Variants in TEX9 observed in about 807,000 individuals in gnomAD.
TEX9 encodes the protein testis expressed 9.
TEX9 carries 74 observed loss-of-function variants against 59.6 expected under a neutral mutation model. The observed-to-expected ratio is 1.24, with a 90% CI of 1.03 to 1.51. The LOEUF (loss-of-function observed/expected upper bound fraction) is 1.51. TEX9 is among the 40% of genes most tolerant of loss of function. TEX9 has a pLI of 0.00. For synonymous variants in TEX9, 186 were observed against 152.2 expected, an observed-to-expected ratio of 1.22 and a Z score of -1.64; for missense variants, 522 against 447.8, an observed-to-expected ratio of 1.17 and a Z score of -1.49.
At chr15:56,429,066 G>A (rs795787) in intron 12 of TEX9, 1,387,925 of 1,388,564 alleles carry the variant, frequency 1, 693,644 homozygotes, top group East Asian at 1. Context: ...GTGGTAACAT[G>A]CAAAAAATCT....
In TEX9 at chr15:56,394,204, T is replaced by A. The variant is rs371032774; in HGVS notation, c.611T>A (p.Met204Lys). The change falls in exon 8 of 13, where the codon ATG (methionine) becomes AAG (lysine). Residue 204 changes from methionine to lysine, a missense_variant. Coordinates refer to ENST00000352903, the Ensembl canonical transcript of TEX9. Reference sequence around the variant, plus strand: ...TTTCTAAAGGCCAAACTCCATGTTATGCAGGAGGAATTGGATAATGTTGTA... The same window carrying A: ...TTTCTAAAGGCCAAACTCCATGTTAAGCAGGAGGAATTGGATAATGTTGTA... 3 of 1,609,274 alleles carry A rather than the reference T, an allele frequency of 1.9e-6. No homozygotes were observed. In the African/African-American group the frequency reaches 4.0e-5, roughly 22 times the overall value.
At chr15:56,272,083 G>C (rs530005908) in intron 1 of TEX9, among the ~76,000 whole-genome samples, 1 of 151,924 alleles carries the variant, frequency 6.6e-6, no homozygotes, top group African/African-American at 2.4e-5. Flanking sequence ...GGCAGAGCTT[G>C]CAGTGAGCTG....
chr15:56,363,268 C>CT (rs749991135), upstream of TEX9, among the ~76,000 whole-genome samples: 12,579 of 142,738 alleles, frequency 0.088, 678 homozygotes, highest in African/African-American at 0.16. Flanking sequence ...ATTGTCCATC[C>CT]TTTTTTTTTT....
chr15:56,385,387 C>T (rs1323179036), intron 4 of TEX9, among the ~76,000 whole-genome samples: 2 of 152,186 alleles, frequency 1.3e-5, no homozygotes, highest in Non-Finnish European at 2.9e-5. Flanking sequence ...ATGTGGACTT[C>T]ATGACTACTG....
intron 1 of TEX9, among the ~76,000 whole-genome samples, chr15:56,260,683 A>G (rs2044245453): frequency 6.6e-6 from 1 of 151,950 alleles, no homozygotes. Context: ...TATGTTCGTA[A>G]GAATTATTAG....
At chr15:56,409,872 T>C (rs1249521524) in intron 9 of TEX9, 1 of 152,244 alleles carries the variant, frequency 6.6e-6, no homozygotes, top group African/African-American at 2.4e-5. Flanking sequence ...TTAAATAGTT[T>C]TACCCTTCCC....
intron 1 of TEX9, among the ~76,000 whole-genome samples, chr15:56,341,333 C>T (rs191748211): frequency 6.6e-6 from 1 of 152,280 alleles, no homozygotes; most frequent in Non-Finnish European, 1.5e-5. Flanking sequence ...GCATCTCCTT[C>T]TAGTAGATCC....
At chr15:56,435,935 T>C (rs553670933) in intron 12 of TEX9, among the ~76,000 whole-genome samples, 1 of 152,052 alleles carries the variant, frequency 6.6e-6, no homozygotes, top group Non-Finnish European at 1.5e-5. Context: ...ATTAAAAGAA[T>C]TATTCACCAT....
At position 56,316,356 on chromosome 15, in the gene TEX9, T is replaced by G. The variant is rs148633607; in HGVS notation, c.-106-57085T>G. Among the ~76,000 whole-genome samples the G allele has an allele frequency of 7.2e-3, 1,101 of 152,156 alleles. 19 individuals are homozygous for G. The highest frequency in any genetic ancestry group is 0.025 in the African/African-American group (1,044 of 41,544). ...TGTGGTTGTCCTTTCTGTTTGTTAG[T>G]TTTCCTTCTTACAGAGAGGACCCTC... On this transcript the variant is annotated intron_variant, in intron 1 of 5. Coordinates refer to the TEX9 transcript ENST00000560827.
chr15:56,285,368 C>T lies in TEX9; in HGVS notation c.-107+41090C>T, dbSNP rs2044928731. On this transcript the variant is annotated intron_variant, in intron 1 of 5. Coordinates refer to the TEX9 transcript ENST00000560827. ...ATAATTTGAGATAATCTCTACATCTCAAGATCCTTCACTTAATCACATCTG... is the reference window on the plus strand; with the variant it reads ...ATAATTTGAGATAATCTCTACATCTTAAGATCCTTCACTTAATCACATCTG... Among the ~76,000 whole-genome samples the T allele has an allele frequency of 3.3e-5, 5 of 152,168 alleles. No homozygotes were observed. In the South Asian group the frequency reaches 1.0e-3, roughly 31 times the overall value.
At position 56,417,973 on chromosome 15, in the gene TEX9, C is replaced by T. The variant is rs1044287632; in HGVS notation, c.963+5537C>T. 2.6e-5 allele frequency among the ~76,000 whole-genome samples: 4 copies of T among 151,672 alleles called. 1 individual carries two copies. The highest frequency in any genetic ancestry group is 9.7e-5 in the African/African-American group (4 of 41,080). ...TTTTTTGATCTTTGTTGGTTTGAAA[C>T]GTTTTGTCTGAAATTAGAATTGCAA... is the stretch of plus-strand genomic sequence containing the variant. On this transcript the variant is annotated intron_variant, in intron 10 of 12. Transcript: ENST00000352903.
intron 1 of TEX9, among the ~76,000 whole-genome samples, chr15:56,301,248 A>G (rs1383307214): frequency 1.3e-5 from 2 of 152,200 alleles, no homozygotes; most frequent in Non-Finnish European, 2.9e-5. Flanking sequence ...TCTCAACAGC[A>G]GAACTGGTGA....
chr15:56,314,963 G>A (rs2045717635), intron 1 of TEX9, among the ~76,000 whole-genome samples: 1 of 151,208 alleles, frequency 6.6e-6, no homozygotes, highest in African/African-American at 2.4e-5. Flanking sequence ...TCAGAGACTG[G>A]GATTGCAACC....
At chr15:56,407,680 A>C (rs2049144257) in intron 9 of TEX9, among the ~76,000 whole-genome samples, 1 of 152,116 alleles carries the variant, frequency 6.6e-6, no homozygotes, top group Non-Finnish European at 1.5e-5. Flanking sequence ...CTGAGAAGTC[A>C]ATTCCCTCTC....
rs948846949 is a variant in TEX9 at position 56,370,434 on chromosome 15, T to C, written c.120-3007T>C. The stretch of plus-strand genomic sequence containing the variant: ...CTGAAGTGTAGACCCTTTATTACTT[T>C]TTGTGAAAACCTGAGTCTTAAACTC... On this transcript the variant is annotated intron_variant, in intron 2 of 12. Transcript: ENST00000352903. 2.6e-5 allele frequency among the ~76,000 whole-genome samples: 4 copies of C among 152,294 alleles called. No homozygotes were observed. In the East Asian group the frequency reaches 7.7e-4, roughly 29 times the overall value.
At chr15:56,369,330 C>T (rs957556076) in intron 2 of TEX9, among the ~76,000 whole-genome samples, 1 of 151,234 alleles carries the variant, frequency 6.6e-6, no homozygotes, top group Admixed American at 6.6e-5. Flanking sequence ...GCTGGGACTA[C>T]AGGCGCATGG....
intron 9 of TEX9, among the ~76,000 whole-genome samples, chr15:56,411,369 T>C (rs1255648478): frequency 6.6e-6 from 1 of 151,406 alleles, no homozygotes; most frequent in Non-Finnish European, 1.5e-5. Context: ...ATAGCAGATA[T>C]GATGATAAAT....
At position 56,416,106 on chromosome 15, in the gene TEX9, C is replaced by T. The variant is rs1456882420; in HGVS notation, c.963+3670C>T. Among the ~76,000 whole-genome samples the T allele has an allele frequency of 4.0e-5, 6 of 151,848 alleles. 1 individual carries two copies. Among genetic ancestry groups the T allele is most frequent in the Admixed American group, 2.6e-4 (4 of 15,272 alleles). Reference sequence around the variant, plus strand: ...CTGCAACTTTGCTGAAGTTGTTTATCTGCCAAAAGGAGCTTTTGGGACAAG... The same window carrying T: ...CTGCAACTTTGCTGAAGTTGTTTATTTGCCAAAAGGAGCTTTTGGGACAAG... On this transcript the variant is annotated intron_variant, in intron 10 of 12. Transcript: ENST00000352903.
intron 10 of TEX9, among the ~76,000 whole-genome samples, chr15:56,422,394 T>C (rs2050024419): frequency 6.6e-6 from 1 of 151,794 alleles, no homozygotes; most frequent in South Asian, 2.1e-4. Flanking sequence ...AGTTGGCCCG[T>C]ATGTTTTCTT....
Sources: allele counts gnomAD v4.1 joint callset (sites outside exome capture counted in the v4.1 genomes callset), GRCh38; gene constraint gnomAD v4.1.1; transcripts MANE v1.5; gene names NCBI Gene and HGNC (gene_info 2026-07-23, HGNC 2026-07-21).